MYH14: variants seen among roughly 807,000 people sequenced by gnomAD.
The protein encoded by MYH14 is myosin-14.
MYH14 carries 123 observed loss-of-function variants against 255.5 expected under a neutral mutation model. The ratio of observed to expected loss-of-function variants is 0.48; its 90% CI spans 0.42 to 0.56. The LOEUF (loss-of-function observed/expected upper bound fraction) is 0.56. MYH14 is among the 20% of genes least tolerant of loss of function. The probability of loss-of-function intolerance (pLI) is 0.00; values close to 1 mark genes in which losing one functional copy is unlikely to be tolerated. For synonymous variants in MYH14, 1,095 were observed against 1,161.2 expected, an observed-to-expected ratio of 0.94 and a Z score of 1.16; for missense variants, 2,423 against 2,802.3, an observed-to-expected ratio of 0.86 and a Z score of 3.06.
intron 10 of MYH14, among the ~76,000 whole-genome samples, chr19:50,236,032 A>AT (rs1032160128): frequency 2.6e-4 from 10 of 38,988 alleles, no homozygotes; most frequent in Non-Finnish European, 6.4e-4. Context: ...TATTGGAACA[A>AT]TTAAAAAAAA....
In MYH14 at chr19:50,203,658, G is replaced by C. The variant is rs905967494; in HGVS notation, c.-17G>C. The C allele has an allele frequency of 2.0e-5, 3 of 152,394 alleles. No homozygotes were observed. The highest frequency in any genetic ancestry group is 4.4e-5 in the Non-Finnish European group (3 of 68,198). 9.4% of individuals were successfully genotyped at this position (152,394 alleles called of 1,614,324 possible). ...TCTCCCCAGGCCGAAGCCTCGGGAC[G>C]GCCCTGGAAGCCGGTGAGTGCCCGG... On this transcript the variant is annotated 5_prime_UTR_variant, in exon 1 of 43. Coordinates refer to ENST00000642316, the MANE Select transcript of MYH14 (RefSeq NM_001145809.2).
intron 42 of MYH14, 58 bp downstream of exon 42, chr19:50,309,235 C>T (rs2036761046): frequency 6.5e-6 from 10 of 1,549,532 alleles, no homozygotes; most frequent in Admixed American, 3.4e-5. Context: ...TCCATAAACC[C>T]CAGGGACGCG....
In MYH14 at chr19:50,276,865, G is replaced by A. The variant is rs1003070398; in HGVS notation, c.3789G>A (p.Leu1263=). ...TGAGGCAGCGCCACGGCCAGGCCCT[G>A]GGGGAGCTGGCGGAGCAGCTGGAGC... ...QELRQRHGQA[L]GELAEQLEQA... The change falls in exon 29 of 43, where the codon CTG becomes CTA. Residue 1263 remains leucine (L), a synonymous_variant. Coordinates refer to ENST00000642316, the MANE Select transcript of MYH14 (RefSeq NM_001145809.2). The surrounding 1 kb of genome is among the most constrained non-coding windows in gnomAD (Gnocchi z 4.3). 1 of 1,611,874 alleles carries A rather than the reference G, an allele frequency of 6.2e-7. No individual in the cohort carries two copies. The highest frequency in any genetic ancestry group is 8.5e-7 in the Non-Finnish European group (1 of 1,179,686).
At chr19:50,285,071 ATT>A (rs2035851547) in intron 33 of MYH14, 1 of 151,126 alleles carries the variant, frequency 6.6e-6, no homozygotes, top group African/African-American at 2.4e-5. Context: ...TAATTTTTGT[ATT>A]TTTAGTAGAG....
intron 10 of MYH14, among the ~76,000 whole-genome samples, chr19:50,237,553 C>T (rs1381157776): frequency 6.6e-6 from 1 of 152,178 alleles, no homozygotes; most frequent in Non-Finnish European, 1.5e-5. Context: ...GTCTCGAACT[C>T]CTGACCTCAA....
intron 34 of MYH14, 41 bp downstream of exon 34, chr19:50,286,735 G>T: frequency 6.6e-7 from 1 of 1,522,678 alleles, no homozygotes. Flanking sequence ...CTGGGTGAGG[G>T]GAGACACGTA....
chr19:50,266,987 G>T lies in MYH14; in HGVS notation c.2805G>T (p.Glu935Asp). 1 of 1,567,604 alleles carries T rather than the reference G, an allele frequency of 6.4e-7. No homozygotes were observed. The highest frequency in any genetic ancestry group is 8.6e-7 in the Non-Finnish European group (1 of 1,156,968). The change falls in exon 23 of 43, where the codon GAG becomes GAT. Residue 935 changes from glutamate to aspartate, a missense_variant. Glu to Asp is a conservative substitution (Grantham distance 45, BLOSUM62 2). Coordinates refer to ENST00000642316, the MANE Select transcript of MYH14 (RefSeq NM_001145809.2). The surrounding 1 kb of genome is among the most constrained non-coding windows in gnomAD (Gnocchi z 4.1). ...AGCAGAGCGCCCGCGAAGTTGGGGA[G>T]CTCCAGGGCCGAGTGGCACAGGTGA... ...LQQQSAREVG[E>D]LQGRVAQLEE... is the part of the protein sequence containing the mutation.
intron 34 of MYH14, 92 bp downstream of exon 34, chr19:50,286,786 C>T (rs1404030752): frequency 1.6e-6 from 2 of 1,250,976 alleles, no homozygotes; most frequent in South Asian, 1.3e-5. Flanking sequence ...GAAAAACAAC[C>T]AGCCATCAAA....
At chr19:50,271,345 T>C in intron 24 of MYH14, 64 bp from the exon 25 acceptor site, 3 of 1,538,970 alleles carry the variant, frequency 1.9e-6, no homozygotes, top group Non-Finnish European at 2.6e-6. Flanking sequence ...CCCGCTCCCA[T>C]CCTTCCCCAT....
intron 39 of MYH14, among the ~76,000 whole-genome samples, chr19:50,295,431 C>CAG (rs2036235779): frequency 6.6e-6 from 1 of 152,030 alleles, no homozygotes; most frequent in Non-Finnish European, 1.5e-5. Flanking sequence ...CGCTTGAGCC[C>CAG]AGGTGTTTGA....
At chr19:50,242,006 C>T (rs906163523) in intron 10 of MYH14, among the ~76,000 whole-genome samples, 4 of 152,194 alleles carry the variant, frequency 2.6e-5, no homozygotes, top group Admixed American at 1.3e-4. Flanking sequence ...TGTATTTATA[C>T]GTAAAACTGT....
chr19:50,278,370 C>T, intron 30 of MYH14, 81 bp downstream of exon 30: 1 of 1,017,226 alleles, frequency 9.8e-7, no homozygotes, highest in East Asian at 2.7e-5. Flanking sequence ...CTATTTGGTC[C>T]ATATCAAACC....
At chr19:50,243,351 G>A (rs1310404779) in intron 10 of MYH14, among the ~76,000 whole-genome samples, 2 of 152,020 alleles carry the variant, frequency 1.3e-5, no homozygotes, top group Non-Finnish European at 2.9e-5. Flanking sequence ...CAGGAGAATC[G>A]CTTGAAGTTG....
chr19:50,248,926 C>T, intron 12 of MYH14, 61 bp from the exon 13 acceptor site: 3 of 1,593,864 alleles, frequency 1.9e-6, no homozygotes, highest in Non-Finnish European at 2.6e-6. Flanking sequence ...CGGTTCACCC[C>T]CGACGTCTTT....
At chr19:50,289,676 GC>G in intron 35 of MYH14, 28 bp downstream of exon 35, 1 of 1,578,982 alleles carries the variant, frequency 6.3e-7, no homozygotes, top group East Asian at 2.3e-5. Flanking sequence ...GCCACAGGGT[GC>G]CAGTCCAGCT....
At chr19:50,245,049 A>G (rs567201997) in intron 11 of MYH14, among the ~76,000 whole-genome samples, 1 of 152,330 alleles carries the variant, frequency 6.6e-6, no homozygotes, top group East Asian at 1.9e-4. Context: ...TTAAACCAAA[A>G]TAGAAATAGC....
At chr19:50,262,285 C>A (rs937339557) in intron 21 of MYH14, among the ~76,000 whole-genome samples, 2 of 152,072 alleles carry the variant, frequency 1.3e-5, no homozygotes, top group Non-Finnish European at 2.9e-5. Context: ...AGGCCGGGCA[C>A]GGTGGCTCAC....
intron 27 of MYH14, among the ~76,000 whole-genome samples, chr19:50,273,601 GGTGTGT>G (rs56095197): frequency 1.1e-4 from 15 of 137,578 alleles, no homozygotes; most frequent in South Asian, 1.0e-3. Context: ...GAACATGGGG[GGTGTGT>G]GTGTGTGTGT....
rs1245148335 is a variant in MYH14, at chr19:50,272,630, C to T, written c.3366C>T (p.Ser1122=). The part of the protein sequence containing the change: ...EKLKRRLDGE[S]SELQEQMVEQ... ...TGAAGCGGAGGCTGGATGGGGAGAG[C>T]TCAGAGCTGCAGGAGCAGATGGTGG... Residue 1122 remains serine (S), a synonymous_variant, in exon 27 of 43, where the codon AGC becomes AGT. Coordinates refer to ENST00000642316, the MANE Select transcript of MYH14 (RefSeq NM_001145809.2). The T allele has an allele frequency of 6.3e-7, 1 of 1,574,884 alleles. No homozygotes were observed. The highest frequency in any genetic ancestry group is 2.3e-5 in the East Asian group (1 of 43,254).
Sources: allele counts gnomAD v4.1 joint callset (sites outside exome capture counted in the v4.1 genomes callset), GRCh38; gene constraint gnomAD v4.1.1; non-coding constraint Gnocchi (gnomAD v3.1); transcripts MANE v1.5; gene names NCBI Gene and HGNC (gene_info 2026-07-23, HGNC 2026-07-21).